Variants in PUM2 observed in about 807,000 individuals in gnomAD.
The protein encoded by PUM2 is pumilio homolog 2.
Under a neutral mutation model 124.5 loss-of-function variants are expected in PUM2, and 57 were observed. That is an observed-to-expected ratio of 0.46 (90% CI 0.37 to 0.57). The LOEUF (loss-of-function observed/expected upper bound fraction) is 0.57. Among genes scored for constraint, PUM2 ranks in the 20% least tolerant of loss-of-function variants. The pLI is 0.00. For missense variants in PUM2, 1,065 were observed against 1,290.6 expected (o/e 0.83, Z 2.68); for synonymous variants, 460 against 446.1 (o/e 1.03, Z -0.39).
intron 19 of PUM2, 35 bp from the exon 20 acceptor site, chr2:20,254,049 T>A (rs1664162469): frequency 6.4e-7 from 1 of 1,563,134 alleles, no homozygotes; most frequent in African/African-American, 1.4e-5. Context: ...AGATTTGTTA[T>A]TTTTTTCTTC....
At chr2:20,294,932 C>T (rs1675161740) in intron 8 of PUM2, among the ~76,000 whole-genome samples, 1 of 152,160 alleles carries the variant, frequency 6.6e-6, no homozygotes, top group African/African-American at 2.4e-5. Flanking sequence ...ATTTTACTTT[C>T]CAATCTATAA....
rs141332683 is a variant in PUM2, at chr2:20,330,471, C to T, written c.-18-3093G>A. Among the ~76,000 whole-genome samples the T allele has an allele frequency of 2.2e-4, 34 of 152,174 alleles. No individual in the cohort carries two copies. The East Asian group carries it at 4.1e-3, about 18-fold the overall frequency. ...GATGGACTGAAAACTTAGTTGATCA[C>T]GAAGATTTTAATGCCTATGTAATGA... On this transcript the variant is annotated intron_variant, in intron 1 of 20. Coordinates refer to ENST00000361078, the MANE Select transcript of PUM2 (RefSeq NM_015317.5).
chr2:20,255,093 A>AGTG (rs1223435360), intron 18 of PUM2, 109 bp from the exon 19 acceptor site: 4 of 1,465,928 alleles, frequency 2.7e-6, no homozygotes, highest in Non-Finnish European at 2.8e-6. Flanking sequence ...TAGTTAGGAG[A>AGTG]ATACAACAGC....
At chr2:20,322,576 G>A (rs1017086440) in intron 2 of PUM2, among the ~76,000 whole-genome samples, 3 of 152,110 alleles carry the variant, frequency 2.0e-5, no homozygotes, top group Admixed American at 6.5e-5. Flanking sequence ...GCTGAGGCAG[G>A]CAGACTGCTT....
At chr2:20,319,236 T>C (rs1440446953) in intron 2 of PUM2, among the ~76,000 whole-genome samples, 1 of 152,200 alleles carries the variant, frequency 6.6e-6, no homozygotes, top group African/African-American at 2.4e-5. Flanking sequence ...CACATAAAAA[T>C]TGTGTTGATA....
intron 13 of PUM2, among the ~76,000 whole-genome samples, chr2:20,271,915 T>C (rs1446271446): frequency 1.3e-5 from 2 of 152,128 alleles, no homozygotes; most frequent in African/African-American, 2.4e-5. Flanking sequence ...TCCCAGCACT[T>C]TGGGAGACCG....
intron 1 of PUM2, among the ~76,000 whole-genome samples, chr2:20,338,831 C>T (rs1426984181): frequency 6.6e-6 from 1 of 152,162 alleles, no homozygotes; most frequent in African/African-American, 2.4e-5. Flanking sequence ...AAACAGGATG[C>T]AAGCATAAGT....
At chr2:20,255,483 T>C (rs1298022111) in intron 17 of PUM2, 142 bp from the exon 18 acceptor site, 2 of 763,510 alleles carry the variant, frequency 2.6e-6, no homozygotes, top group South Asian at 1.9e-5. Context: ...ACATTTAATA[T>C]GACTACCACC....
chr2:20,347,793 C>A (rs1054007888), intron 1 of PUM2, among the ~76,000 whole-genome samples: 1 of 152,164 alleles, frequency 6.6e-6, no homozygotes, highest in Non-Finnish European at 1.5e-5. Flanking sequence ...ATTATTCTAA[C>A]CCAGTCACAA....
intron 7 of PUM2, 47 bp downstream of exon 7, chr2:20,307,931 A>C (rs371088300): frequency 4.4e-5 from 70 of 1,585,696 alleles, no homozygotes; most frequent in Non-Finnish European, 5.6e-5. Flanking sequence ...AACATCCTAG[A>C]CATTTTAACA....
rs1203251521 is a variant in PUM2 at position 20,350,684 on chromosome 2, C to G, written c.-106G>C. ...GCTCTTGGCGGTCCTCCCCCTCCTCCGCCTTCGGTGGCGGCAATGTCTTCT... is the reference window on the plus strand; with the variant it reads ...GCTCTTGGCGGTCCTCCCCCTCCTCGGCCTTCGGTGGCGGCAATGTCTTCT... On this transcript the variant is annotated 5_prime_UTR_variant, in exon 1 of 21. Transcript: ENST00000361078. The G allele has an allele frequency of 2.0e-6, 2 of 984,764 alleles. No individual in the cohort carries two copies. The highest frequency in any genetic ancestry group is 2.4e-6 in the Non-Finnish European group (2 of 829,492). The allele number at this position is 984,764 out of a possible 1,614,324, so 61.0% of individuals were successfully genotyped here. A position where few individuals can be genotyped will look rare whatever the true frequency, so the allele number is the denominator to read the frequency against.
chr2:20,320,998 ATAAC>A lies in PUM2; in HGVS notation c.52-2357_52-2354del, dbSNP rs1327155476. On this transcript the variant is annotated intron_variant, in intron 2 of 20. Transcript: ENST00000361078. ...AACAAATAAGTAATCTAAAGTTGTAATAACTAATAAAGCATTTATCACAGACAAA... is the reference window on the plus strand; with the variant it reads ...AACAAATAAGTAATCTAAAGTTGTAATAATAAAGCATTTATCACAGACAAA... 3.3e-5 allele frequency among the ~76,000 whole-genome samples: 5 copies of A among 152,238 alleles called. No homozygotes were observed. The East Asian group carries it at 9.6e-4, about 29-fold the overall frequency.
chr2:20,350,402 C>T (rs1689105364), intron 1 of PUM2, 195 bp downstream of exon 1: 6 of 871,936 alleles, frequency 6.9e-6, no homozygotes, highest in Non-Finnish European at 5.5e-6. Context: ...CCCCCGCACG[C>T]GCACACCCCC....
chr2:20,251,617 G>A lies in PUM2; in HGVS notation c.3163C>T (p.Pro1055Ser). Reference sequence around the variant, plus strand: ...ATTCCATTTGGTGGTCCTCCAATAGGTCCTAGGTCCGGGCTATTCTTCAAA... The same window carrying A: ...ATTCCATTTGGTGGTCCTCCAATAGATCCTAGGTCCGGGCTATTCTTCAAA... ...YYLKNSPDLG[P>S]IGGPPNGML Residue 1055 changes from proline (P) to serine (S), a missense_variant, in exon 21 of 21, where the codon CCT (proline) becomes TCT (serine). Transcript: ENST00000361078. The A allele has an allele frequency of 6.2e-7, 1 of 1,613,738 alleles. No individual in the cohort carries two copies. The highest frequency in any genetic ancestry group is 8.5e-7 in the Non-Finnish European group (1 of 1,179,774).
chr2:20,306,472 A>T (rs148762770), intron 7 of PUM2, among the ~76,000 whole-genome samples: 12 of 151,836 alleles, frequency 7.9e-5, no homozygotes, highest in African/African-American at 2.9e-4. Context: ...ATAGACAGGT[A>T]GCAGTACATT....
intron 13 of PUM2, among the ~76,000 whole-genome samples, chr2:20,264,336 C>CAAAAAA (rs869149732): frequency 7.9e-5 from 2 of 25,390 alleles, no homozygotes; most frequent in African/African-American, 3.4e-4. Context: ...CACTCTGTCT[C>CAAAAAA]AAAAAAAAAA....
chr2:20,341,677 C>T (rs1409289977), intron 1 of PUM2, among the ~76,000 whole-genome samples: 1 of 152,198 alleles, frequency 6.6e-6, no homozygotes, highest in Non-Finnish European at 1.5e-5. Context: ...TGGAAACTAT[C>T]AAAGTACAAA....
At chr2:20,261,325 A>G (rs1666155065) in intron 14 of PUM2, among the ~76,000 whole-genome samples, 1 of 139,284 alleles carries the variant, frequency 7.2e-6, no homozygotes, top group Non-Finnish European at 1.5e-5. Flanking sequence ...CAGGAGGCGG[A>G]GGAGGTTGCA....
chr2:20,278,708 T>C lies in PUM2; in HGVS notation c.1832A>G (p.Asn611Ser). The change falls in exon 13 of 21, where the codon AAT becomes AGT. Residue 611 changes from asparagine (N) to serine (S), a missense_variant. By Grantham distance (46) the Asn-to-Ser change is conservative (BLOSUM62 1). Transcript: ENST00000361078. ...TGGAGAGGAGGAAAATCCCAGACTA[T>C]TGTAAAATGGTTGCCCTATGGGTGC... ...SLAPIGQPFY[N>S]SLGFSSSPSP... 2 of 1,613,542 alleles carry C rather than the reference T, an allele frequency of 1.2e-6. No homozygotes were observed. Among genetic ancestry groups the C allele is most frequent in the Non-Finnish European group, 8.5e-7 (1 of 1,179,694 alleles).
Sources: allele counts gnomAD v4.1 joint callset (sites outside exome capture counted in the v4.1 genomes callset), GRCh38; gene constraint gnomAD v4.1.1; transcripts MANE v1.5; gene names NCBI Gene and HGNC (gene_info 2026-07-23, HGNC 2026-07-21).